The following IQSEC1 variants were observed in gnomAD, a reference collection of about 807,000 sequenced individuals.
IQSEC1 encodes IQ motif and Sec7 domain ArfGEF 1.
In IQSEC1, 31 loss-of-function variants were observed where a neutral mutation model predicts 91.0. The ratio of observed to expected loss-of-function variants is 0.34; its 90% confidence interval spans 0.26 to 0.46. IQSEC1 has a LOEUF of 0.46. Ranked by LOEUF, IQSEC1 falls within the 20% of genes least tolerant of loss-of-function variation. The pLI is 1.00. For missense variants in IQSEC1, 1,388 were observed against 1,575.6 expected (o/e 0.88, Z 2.02); for synonymous variants, 699 against 662.6 (o/e 1.05, Z -0.84).
intron 1 of IQSEC1, among the ~76,000 whole-genome samples, chr3:13,202,380 C>T (rs1694260789): frequency 6.6e-6 from 1 of 152,222 alleles, no homozygotes; most frequent in Non-Finnish European, 1.5e-5. Flanking sequence ...TTACTCAAAA[C>T]AGCTACAGTG....
intron 1 of IQSEC1, among the ~76,000 whole-genome samples, chr3:13,279,395 T>C (rs57915926): frequency 0.02 from 3,033 of 152,316 alleles, 102 homozygotes; most frequent in African/African-American, 0.068. Context: ...TTTCCTGTTA[T>C]CATCCTGTTT....
At chr3:13,194,459 C>T (rs982746009) in intron 1 of IQSEC1, among the ~76,000 whole-genome samples, 24 of 152,140 alleles carry the variant, frequency 1.6e-4, no homozygotes, top group Non-Finnish European at 2.8e-4. Context: ...TCCCAGCGTG[C>T]CAGGCCAGGC....
At chr3:13,201,731 T>G (rs898960049) in intron 1 of IQSEC1, among the ~76,000 whole-genome samples, 4 of 152,280 alleles carry the variant, frequency 2.6e-5, no homozygotes, top group African/African-American at 9.6e-5. Context: ...AGCACTACAT[T>G]TTCCCCCATG....
At chr3:13,258,237 C>T (rs116739138) in intron 1 of IQSEC1, among the ~76,000 whole-genome samples, 1 of 152,170 alleles carries the variant, frequency 6.6e-6, no homozygotes, top group Non-Finnish European at 1.5e-5. Context: ...ATGTGCCACA[C>T]TAATGCAAGA....
At chr3:13,015,637 C>G (rs566182040) in intron 1 of IQSEC1, 48 of 985,198 alleles carry the variant, frequency 4.9e-5, no homozygotes, top group Non-Finnish European at 5.7e-5. Flanking sequence ...CCTGCCTCTG[C>G]GGCCCCGGGG....
chr3:13,230,910 G>A (rs1694829517), intron 1 of IQSEC1, among the ~76,000 whole-genome samples: 1 of 152,202 alleles, frequency 6.6e-6, no homozygotes, highest in Non-Finnish European at 1.5e-5. Context: ...AGACTGATGT[G>A]GATTGTGTGC....
chr3:13,060,963 T>C (rs1395675011), intron 1 of IQSEC1, among the ~76,000 whole-genome samples: 1 of 152,160 alleles, frequency 6.6e-6, no homozygotes, highest in African/African-American at 2.4e-5. Flanking sequence ...GCATACGGGC[T>C]CCGAGCCCTG....
intron 1 of IQSEC1, among the ~76,000 whole-genome samples, chr3:13,229,320 C>T (rs1187988671): frequency 6.6e-6 from 1 of 152,216 alleles, no homozygotes; most frequent in South Asian, 2.1e-4. Flanking sequence ...AGGGCCTGGC[C>T]TATAACAGCT....
Position 13,231,212 on chromosome 3 carries a change from CA to C in IQSEC1, c.272+51498del, listed in dbSNP as rs577521816. The stretch of plus-strand genomic sequence containing the variant: ...TTTTGATGCAAAAAATTTGGAAATC[CA>C]TGCAGAGTTTTTAAAAATAATACTC... On this transcript the variant is annotated intron_variant, in intron 1 of 15. Transcript: ENST00000648114. Among the ~76,000 whole-genome samples, 332 of 152,254 alleles carry C rather than the reference CA, an allele frequency of 2.2e-3. 2 individuals carry two copies. Among genetic ancestry groups the C allele is most frequent in the Admixed American group, 4.5e-3 (69 of 15,298 alleles).
intron 1 of IQSEC1, among the ~76,000 whole-genome samples, chr3:13,222,369 T>C (rs1694678422): frequency 6.6e-6 from 1 of 152,198 alleles, no homozygotes; most frequent in African/African-American, 2.4e-5. Flanking sequence ...CGTTCATCTG[T>C]CACGGACACT....
intron 9 of IQSEC1, 105 bp downstream of exon 9, chr3:12,913,323 G>T: frequency 7.9e-7 from 1 of 1,269,964 alleles, no homozygotes; most frequent in Non-Finnish European, 1.1e-6. Flanking sequence ...CCTCCCTTTT[G>T]CACCCCCACA....
intron 3 of IQSEC1, among the ~76,000 whole-genome samples, chr3:12,934,471 G>A (rs1697983605): frequency 6.6e-6 from 1 of 152,188 alleles, no homozygotes; most frequent in South Asian, 2.1e-4. Flanking sequence ...CTGGCTTTGA[G>A]GTGGCCAGGT....
chr3:12,999,489 C>T (rs922605811), intron 1 of IQSEC1, among the ~76,000 whole-genome samples: 1 of 152,206 alleles, frequency 6.6e-6, no homozygotes. Flanking sequence ...GCAATGGTCT[C>T]GTCTGTCTGG....
At chr3:13,045,065 C>A (rs1704445026) in intron 1 of IQSEC1, among the ~76,000 whole-genome samples, 1 of 152,226 alleles carries the variant, frequency 6.6e-6, no homozygotes, top group South Asian at 2.1e-4. Flanking sequence ...CATGCCAAGG[C>A]AAGATGGCAG....
chr3:13,021,411 C>T (rs1017006621), intron 1 of IQSEC1, among the ~76,000 whole-genome samples: 1 of 152,226 alleles, frequency 6.6e-6, no homozygotes, highest in South Asian at 2.1e-4. Flanking sequence ...CAAGGGTCAT[C>T]GTATCCAACA....
chr3:13,121,994 C>T (rs1003921710), intron 2 of IQSEC1, among the ~76,000 whole-genome samples: 4 of 152,222 alleles, frequency 2.6e-5, no homozygotes, highest in Non-Finnish European at 4.4e-5. Flanking sequence ...GTCGGCCAGG[C>T]GCAGGCAGGA....
At chr3:12,987,114 C>A in intron 1 of IQSEC1, 1 of 290,662 alleles carries the variant, frequency 3.4e-6, no homozygotes, top group Non-Finnish European at 7.1e-6. Flanking sequence ...GTCATAAACC[C>A]TGAGCCCCTG....
intron 2 of IQSEC1, among the ~76,000 whole-genome samples, chr3:12,939,006 C>G (rs1341742060): frequency 7.9e-5 from 12 of 152,176 alleles, no homozygotes; most frequent in Non-Finnish European, 1.6e-4. Flanking sequence ...CAGGCCCGGT[C>G]GAAAAGTTTC....
At chr3:13,023,756 A>G (rs911771004) in intron 1 of IQSEC1, among the ~76,000 whole-genome samples, 1 of 152,316 alleles carries the variant, frequency 6.6e-6, no homozygotes, top group Non-Finnish European at 1.5e-5. Flanking sequence ...CAAAAACAAG[A>G]TAGGTTTCTA....
Sources: gnomAD v4.1 joint callset for allele counts (sites outside exome capture counted in the v4.1 genomes callset) on GRCh38, gnomAD v4.1.1 for gene constraint, MANE v1.5 for transcripts, NCBI Gene and HGNC (gene_info 2026-07-23, HGNC 2026-07-21) for gene names.